P2RY14: variants seen among roughly 807,000 people sequenced by gnomAD.
P2RY14 encodes the protein purinergic receptor P2Y14, also known as P2Y purinoceptor 14.
P2RY14 carries 2 observed loss-of-function variants against 0.9 expected under a neutral mutation model. That is an observed-to-expected ratio of 2.16 (90% CI 0.88 to 6.79). The LOEUF is 6.79. Ranked by LOEUF, P2RY14 falls within the 30% of genes most tolerant of loss-of-function variation. P2RY14 has a pLI of 0.05. For missense variants in P2RY14, 378 were observed against 400.1 expected (o/e 0.94, Z 0.47); for synonymous variants, 158 against 147.2 (o/e 1.07, Z -0.53).
chr3:151,224,222 T>A (rs1001832077), intron 1 of P2RY14, among the ~76,000 whole-genome samples: 5 of 152,228 alleles, frequency 3.3e-5, no homozygotes, highest in Non-Finnish European at 5.9e-5. Context: ...TCAGTTCTTA[T>A]AAAGGTACAA....
chr3:151,232,097 A>G (rs141132559), intron 1 of P2RY14, among the ~76,000 whole-genome samples: 71 of 152,052 alleles, frequency 4.7e-4, no homozygotes, highest in Admixed American at 2.0e-3. Context: ...TGTCTCTGCT[A>G]TTTTTCTTAC....
At chr3:151,269,180 C>A (rs1740394753) in intron 1 of P2RY14, among the ~76,000 whole-genome samples, 1 of 152,122 alleles carries the variant, frequency 6.6e-6, no homozygotes, top group South Asian at 2.1e-4. Flanking sequence ...GTGGGTGGAT[C>A]ACCTGAGGTC....
chr3:151,218,976 T>C (rs1728800540), intron 2 of P2RY14, among the ~76,000 whole-genome samples: 1 of 151,106 alleles, frequency 6.6e-6, no homozygotes, highest in African/African-American at 2.4e-5. Flanking sequence ...AATCCAGATA[T>C]ATGAGAATGA....
chr3:151,247,198 A>C (rs945072863), intron 1 of P2RY14, among the ~76,000 whole-genome samples: 4 of 152,096 alleles, frequency 2.6e-5, no homozygotes, highest in Non-Finnish European at 5.9e-5. Flanking sequence ...TGTGGAAGTC[A>C]GTGTGGCGAT....
At position 151,213,348 on chromosome 3, in the gene P2RY14, G is replaced by T. The variant is rs1477505090; in HGVS notation, c.969C>A (p.Ser323=). 1 of 1,612,730 alleles carries T rather than the reference G, an allele frequency of 6.2e-7. No homozygotes were observed. Among genetic ancestry groups the T allele is most frequent in the Non-Finnish European group, 8.5e-7 (1 of 1,179,642 alleles). The change falls in exon 3 of 3, where the codon TCC becomes TCA. Residue 323 remains serine, a synonymous_variant. Transcript: ENST00000309170. ...PLKAQNDLDI[S]RIKRGNTTLE... ...GTGTTGTATTTCCTCTTTTGATTCT[G>T]GAAATGTCTAGGTCATTCTGAGCTT... is the stretch of plus-strand genomic sequence containing the variant.
At chr3:151,242,071 T>G (rs1212091918) in intron 1 of P2RY14, among the ~76,000 whole-genome samples, 1 of 152,122 alleles carries the variant, frequency 6.6e-6, no homozygotes. Flanking sequence ...CCGACGGGCT[T>G]AAAAAACGGG....
intron 1 of P2RY14, among the ~76,000 whole-genome samples, chr3:151,277,739 C>T (rs969985351): frequency 1.2e-4 from 19 of 152,184 alleles, no homozygotes; most frequent in Non-Finnish European, 2.5e-4. Flanking sequence ...ACAGATATTT[C>T]TGTGATTTAC....
In P2RY14 at chr3:151,278,416, G is replaced by C. The variant is rs541700301; in HGVS notation, c.-262C>G. 2.6e-5 allele frequency: 4 copies of C among 152,182 alleles called. No individual in the cohort carries two copies. Among genetic ancestry groups the C allele is most frequent in the Admixed American group, 6.5e-5 (1 of 15,272 alleles). 9.4% of individuals were successfully genotyped at this position (152,182 alleles called of 1,614,324 possible). A position where few individuals can be genotyped will look rare whatever the true frequency, so the allele number is the denominator to read the frequency against. On this transcript the variant is annotated 5_prime_UTR_variant, in exon 1 of 3. Coordinates refer to ENST00000309170, the MANE Select transcript of P2RY14 (RefSeq NM_014879.4). ...AACTACGGATGAAAATCAGGAACTT[G>C]ACAGAAACCACAAGATAGTGGGTCC... is the stretch of plus-strand genomic sequence containing the variant.
At chr3:151,244,973 A>G (rs909739888) in intron 1 of P2RY14, among the ~76,000 whole-genome samples, 14 of 151,538 alleles carry the variant, frequency 9.2e-5, no homozygotes, top group Non-Finnish European at 2.1e-4. Flanking sequence ...AACTACCATC[A>G]GATAATACTA....
At chr3:151,246,852 A>G (rs1333880971) in intron 1 of P2RY14, among the ~76,000 whole-genome samples, 3 of 152,206 alleles carry the variant, frequency 2.0e-5, no homozygotes, top group Non-Finnish European at 4.4e-5. Context: ...AATGGGAGAA[A>G]CTTTTCGCAA....
intron 1 of P2RY14, among the ~76,000 whole-genome samples, chr3:151,263,132 G>T (rs538292830): frequency 6.6e-6 from 1 of 152,104 alleles, no homozygotes. Context: ...GGGCGAAGTG[G>T]GTGCAGAGAT....
Sources: allele counts gnomAD v4.1 joint callset (sites outside exome capture counted in the v4.1 genomes callset), GRCh38; gene constraint gnomAD v4.1.1; transcripts MANE v1.5; gene names NCBI Gene and HGNC (gene_info 2026-07-23, HGNC 2026-07-21).